Variants in TNFRSF1A observed in about 807,000 individuals in gnomAD.
TNFRSF1A encodes the protein TNF receptor superfamily member 1A.
A neutral mutation model predicts 41.6 loss-of-function variants in TNFRSF1A; 9 were observed. The observed-to-expected ratio is 0.22, with a 90% CI of 0.13 to 0.38. The LOEUF is 0.38. Among genes scored for constraint, TNFRSF1A ranks in the 10% least tolerant of loss-of-function variants. The pLI is 1.00. For missense variants in TNFRSF1A, 463 were observed against 591.5 expected (o/e 0.78, Z 2.25); for synonymous variants, 254 against 248.6 (o/e 1.02, Z -0.21).
At position 6,341,248 on chromosome 12, in the gene TNFRSF1A, ACTC is replaced by A. The variant is rs1320826542; in HGVS notation, c.39+525_39+527del. On this transcript the variant is annotated intron_variant, in intron 1 of 9. Transcript: ENST00000162749. This position sits in a 1 kb window ranked among gnomAD's most constrained non-coding sequence, Gnocchi z 4.6. ...AAACCCACCACACCAGCCCATCCCC[ACTC>A]CTCAACTCACTCCCCCACTTCACCA... Among the ~76,000 whole-genome samples, 2 of 149,806 alleles carry A rather than the reference ACTC, an allele frequency of 1.3e-5. No homozygotes were observed. Among genetic ancestry groups the A allele is most frequent in the East Asian group, 3.9e-4 (2 of 5,076 alleles).
chr12:6,335,839 C>T (rs576823543), intron 1 of TNFRSF1A, among the ~76,000 whole-genome samples: 10 of 152,252 alleles, frequency 6.6e-5, no homozygotes, highest in African/African-American at 2.2e-4. Flanking sequence ...TGTGCAGGCC[C>T]GGAAGTTCAA....
intron 1 of TNFRSF1A, among the ~76,000 whole-genome samples, chr12:6,335,552 C>T (rs912706053): frequency 2.0e-5 from 3 of 152,304 alleles, no homozygotes; most frequent in Admixed American, 2.0e-4. Context: ...GAATATTTAG[C>T]TCTAACTTGG....
chr12:6,329,938 A>G lies in TNFRSF1A; in HGVS notation c.897T>C (p.Tyr299=). Residue 299 remains tyrosine, a synonymous_variant, in exon 9 of 10, where the codon TAT becomes TAC. Transcript: ENST00000162749. ...CAAAGTTGGGACAGTCACCGGGGGT[A>G]TAGGTGGAGCTGGAGGTGAAGGTGG... ...PSSTFTSSST[Y]TPGDCPNFAA... 1.3e-6 allele frequency: 2 copies of G among 1,571,600 alleles called. No homozygotes were observed. Among genetic ancestry groups the G allele is most frequent in the Non-Finnish European group, 1.7e-6 (2 of 1,156,918 alleles).
At chr12:6,329,716 G>T (rs1328664048) in intron 9 of TNFRSF1A, 62 bp downstream of exon 9, 36 of 1,542,584 alleles carry the variant, frequency 2.3e-5, no homozygotes, top group Non-Finnish European at 3.1e-5. Flanking sequence ...CTCTGGGAGC[G>T]CCTCCCGCGC....
rs1338753302 is a variant in TNFRSF1A at position 6,341,672 on chromosome 12, C to A, written c.39+104G>T. ...TGCAGGCCTGAGGCTGGCGCCAGGA[C>A]CAGGCCCGGGCAGGAGAGGCTCGGC... On this transcript the variant is annotated intron_variant, in intron 1 of 9. Coordinates refer to ENST00000162749, the MANE Select transcript of TNFRSF1A (RefSeq NM_001065.4). The surrounding 1 kb of genome is among the most constrained non-coding windows in gnomAD (Gnocchi z 4.6). 1.4e-6 allele frequency: 2 copies of A among 1,387,444 alleles called. No individual in the cohort carries two copies. Among genetic ancestry groups the A allele is most frequent in the African/African-American group, 2.8e-5 (2 of 70,442 alleles). 85.9% of individuals were successfully genotyped at this position (1,387,444 alleles called of 1,614,324 possible).
At position 6,333,072 on chromosome 12, in the gene TNFRSF1A, C is replaced by G. The variant is rs1312519925; in HGVS notation, c.548G>C (p.Ser183Thr). The change falls in exon 5 of 10, where the codon AGT (serine) becomes ACT (threonine). Residue 183 changes from serine (S) to threonine (T), a missense_variant. Coordinates refer to ENST00000162749, the MANE Select transcript of TNFRSF1A (RefSeq NM_001065.4). The surrounding 1 kb of genome is among the most constrained non-coding windows in gnomAD (Gnocchi z 6.3). ...AGCAGCTCTCAGAGATACTCACTTA[C>G]TACAGGAGACACACTCGTTTTCTCT... ...FLRENECVSC[S>T]NCKKSLECTK... 8 of 1,613,918 alleles carry G rather than the reference C, an allele frequency of 5.0e-6. No individual in the cohort carries two copies. The highest frequency in any genetic ancestry group is 6.8e-6 in the Non-Finnish European group (8 of 1,179,900).
rs201642432 is a variant in TNFRSF1A, at chr12:6,329,667, C to T, written c.1058-45G>A. On this transcript the variant is annotated intron_variant, in intron 9 of 9. Transcript: ENST00000162749. ...TGAGCCTCGGGCGGCAACCCCAGGC[C>T]CCGCCCCGCATCCCGCGCCCTCCGC... 1.9e-4 allele frequency: 292 copies of T among 1,553,546 alleles called. 1 individual carries two copies. In the African/African-American group the frequency reaches 3.1e-3, roughly 16 times the overall value.
rs74059215 is a variant in TNFRSF1A, at chr12:6,337,535, T to C, written c.40-3291A>G. On this transcript the variant is annotated intron_variant, in intron 1 of 9. Coordinates refer to ENST00000162749, the MANE Select transcript of TNFRSF1A (RefSeq NM_001065.4). The surrounding 1 kb of genome is among the most constrained non-coding windows in gnomAD (Gnocchi z 4.6). Reference sequence around the variant, plus strand: ...GTCTGTTCATTTAATGTCAAGGTGTTGGGGGAGGTCGTGGCAGCTTCTCCT... The same window carrying C: ...GTCTGTTCATTTAATGTCAAGGTGTCGGGGGAGGTCGTGGCAGCTTCTCCT... Among the ~76,000 whole-genome samples the C allele has an allele frequency of 3.2e-3, 491 of 152,206 alleles. 5 individuals are homozygous for C. Among genetic ancestry groups the C allele is most frequent in the African/African-American group, 0.011 (467 of 41,520 alleles).
chr12:6,341,168 C>G lies in TNFRSF1A; in HGVS notation c.39+608G>C, dbSNP rs1460969784. The stretch of plus-strand genomic sequence containing the variant: ...TGGGGACACTGTCCACTGGGTTGCC[C>G]TGCCCCATCCAGTGTCCCAGCCCAT... On this transcript the variant is annotated intron_variant, in intron 1 of 9. Coordinates refer to ENST00000162749, the MANE Select transcript of TNFRSF1A (RefSeq NM_001065.4). This position sits in a 1 kb window ranked among gnomAD's most constrained non-coding sequence, Gnocchi z 4.6. 1.3e-5 allele frequency among the ~76,000 whole-genome samples: 2 copies of G among 152,134 alleles called. No individual in the cohort carries two copies. Among genetic ancestry groups the G allele is most frequent in the Non-Finnish European group, 2.9e-5 (2 of 68,006 alleles).
intron 1 of TNFRSF1A, among the ~76,000 whole-genome samples, chr12:6,336,638 C>A (rs1948123544): frequency 6.6e-6 from 1 of 152,190 alleles, no homozygotes; most frequent in Admixed American, 6.5e-5. Context: ...AAGTCTCCCT[C>A]GACCCTGGCT....
At chr12:6,332,919 G>C in intron 5 of TNFRSF1A, 150 bp downstream of exon 5, 1 of 698,798 alleles carries the variant, frequency 1.4e-6, no homozygotes, top group Middle Eastern at 3.8e-4. Context: ...GGACTGCCTG[G>C]TGTCTTAACG....
chr12:6,333,801 G>A lies in TNFRSF1A; in HGVS notation c.258C>T (p.Ser86=), dbSNP rs201798720. ...GQDTDCRECE[S]GSFTASENHL... is the part of the protein sequence containing the mutation. ...GGTTTTCTGAAGCGGTGAAGGAGCC[G>A]CTCTCACACTCCCTGCAGTCCGTAT... Residue 86 remains serine, a synonymous_variant, in exon 3 of 10, where the codon AGC becomes AGT. Coordinates refer to ENST00000162749, the MANE Select transcript of TNFRSF1A (RefSeq NM_001065.4). The surrounding 1 kb of genome is among the most constrained non-coding windows in gnomAD (Gnocchi z 6.3). The A allele has an allele frequency of 3.8e-5, 61 of 1,588,226 alleles. 1 individual carries two copies. The highest frequency in any genetic ancestry group is 2.3e-4 in the South Asian group (20 of 87,892).
In TNFRSF1A at chr12:6,333,934, C is replaced by A. The variant is rs1948085978; in HGVS notation, c.194-69G>T. ...GGAAGGAGCCCCATGCTAGGGACAA[C>A]AGCCAGGGCCGATTCCCTGAAGTCT... On this transcript the variant is annotated intron_variant, in intron 2 of 9. Transcript: ENST00000162749. The surrounding 1 kb of genome is among the most constrained non-coding windows in gnomAD (Gnocchi z 6.3). 5.0e-6 allele frequency: 8 copies of A among 1,603,726 alleles called. No individual in the cohort carries two copies. In the South Asian group the frequency reaches 7.8e-5, roughly 16 times the overall value.
At chr12:6,332,216 G>A (rs1370319974) in intron 5 of TNFRSF1A, among the ~76,000 whole-genome samples, 1 of 151,892 alleles carries the variant, frequency 6.6e-6, no homozygotes, top group African/African-American at 2.4e-5. Flanking sequence ...TGAGGCGGAA[G>A]ATCGCTTGAG....
In TNFRSF1A at chr12:6,330,863, A is replaced by G. The variant is rs1371954342; in HGVS notation, c.615T>C (p.Thr205=). Residue 205 remains threonine, a synonymous_variant, in exon 6 of 10, where the codon ACT becomes ACC. Coordinates refer to ENST00000162749, the MANE Select transcript of TNFRSF1A (RefSeq NM_001065.4). ...GTCACTTCTCCTCACCTGAGTCCTC[A>G]GTGCCCTTAACATTCTCAATCTGGG... ...CLPQIENVKG[T]EDSGTTVLLP... is the part of the protein sequence containing the mutation. 1 of 1,613,686 alleles carries G rather than the reference A, an allele frequency of 6.2e-7. No individual in the cohort carries two copies. The highest frequency in any genetic ancestry group is 8.5e-7 in the Non-Finnish European group (1 of 1,180,000).
At position 6,333,688 on chromosome 12, in the gene TNFRSF1A, C is replaced by A. The variant is rs750924681; in HGVS notation, c.322+49G>T. 2.1e-5 allele frequency: 33 copies of A among 1,560,626 alleles called. No individual in the cohort carries two copies. The African/African-American group carries it at 3.5e-4, about 17-fold the overall frequency. ...CACCAGCCTGCACATAGACAGGCAC[C>A]CACACACCACTCAAGACCCGCCTGA... On this transcript the variant is annotated intron_variant, in intron 3 of 9. Coordinates refer to ENST00000162749, the MANE Select transcript of TNFRSF1A (RefSeq NM_001065.4). The surrounding 1 kb of genome is among the most constrained non-coding windows in gnomAD (Gnocchi z 6.3).
Position 6,329,175 on chromosome 12 carries a change from TA to T in TNFRSF1A, c.*136del. On this transcript the variant is annotated 3_prime_UTR_variant, in exon 10 of 10. Transcript: ENST00000162749. Reference sequence around the variant, plus strand: ...GCGCAGGCAGCTGAGAAAAGCTATGTACATCGAGGGGTTAGCACCAAGTAGG... The same window carrying T: ...GCGCAGGCAGCTGAGAAAAGCTATGTCATCGAGGGGTTAGCACCAAGTAGG... 1.2e-6 allele frequency: 1 copy of T among 823,374 alleles called. No homozygotes were observed. Among genetic ancestry groups the T allele is most frequent in the Non-Finnish European group, 1.7e-6 (1 of 572,268 alleles). 51.0% of individuals were successfully genotyped at this position (823,374 alleles called of 1,614,324 possible).
In TNFRSF1A at chr12:6,333,990, C is replaced by G; in HGVS notation, c.193+101G>C. The G allele has an allele frequency of 1.2e-6, 2 of 1,611,134 alleles. No homozygotes were observed. Among genetic ancestry groups the G allele is most frequent in the South Asian group, 2.2e-5 (2 of 90,944 alleles). The stretch of plus-strand genomic sequence containing the variant: ...AGAGGAGGGAGGGAGAAAATCCCAG[C>G]CCAGGAGAGACAGCAAAGTTAGGGA... On this transcript the variant is annotated intron_variant, in intron 2 of 9. Coordinates refer to ENST00000162749, the MANE Select transcript of TNFRSF1A (RefSeq NM_001065.4). This position sits in a 1 kb window ranked among gnomAD's most constrained non-coding sequence, Gnocchi z 6.3.
chr12:6,339,875 ACT>A (rs1948171100), intron 1 of TNFRSF1A, among the ~76,000 whole-genome samples: 1 of 148,470 alleles, frequency 6.7e-6, no homozygotes, highest in Non-Finnish European at 1.5e-5. Context: ...ACACACACAC[ACT>A]GTGAGCTCTG....
Sources: gnomAD v4.1 joint callset for allele counts (sites outside exome capture counted in the v4.1 genomes callset) on GRCh38, gnomAD v4.1.1 for gene constraint, Gnocchi (gnomAD v3.1) non-coding constraint, MANE v1.5 for transcripts, NCBI Gene and HGNC (gene_info 2026-07-23, HGNC 2026-07-21) for gene names.